The following ZMAT4 variants were observed in gnomAD, a reference collection of about 807,000 sequenced individuals.
The protein encoded by ZMAT4 is zinc finger matrin-type 4, also known as zinc finger matrin-type protein 4.
A neutral mutation model predicts 28.7 loss-of-function variants in ZMAT4; 17 were observed. The observed-to-expected ratio is 0.59, with a 90% CI of 0.41 to 0.89. The LOEUF (loss-of-function observed/expected upper bound fraction) is 0.89, where lower values mean the gene tolerates loss of function less well. Among genes scored for constraint, ZMAT4 ranks in the 40% least tolerant of loss-of-function variants. The pLI is 0.00. For missense variants in ZMAT4, 240 were observed against 283.8 expected, an observed-to-expected ratio of 0.85 and a Z score of 1.11; for synonymous variants, 117 against 109.2, an observed-to-expected ratio of 1.07 and a Z score of -0.44.
At chr8:40,613,072 A>G (rs532753094) in intron 5 of ZMAT4, among the ~76,000 whole-genome samples, 2 of 151,258 alleles carry the variant, frequency 1.3e-5, no homozygotes, top group Admixed American at 6.6e-5. Flanking sequence ...CAGCCTCCCA[A>G]AGTGCTGAGA....
At chr8:40,877,899 A>G (rs1818094828) in intron 1 of ZMAT4, among the ~76,000 whole-genome samples, 1 of 152,200 alleles carries the variant, frequency 6.6e-6, no homozygotes, top group Non-Finnish European at 1.5e-5. Context: ...GCGCATTCCA[A>G]AAGCAGGGAG....
intron 5 of ZMAT4, among the ~76,000 whole-genome samples, chr8:40,602,022 C>A (rs896854298): frequency 3.9e-5 from 6 of 152,118 alleles, no homozygotes; most frequent in Admixed American, 2.0e-4. Flanking sequence ...CCCCTTCTGC[C>A]CTTTCCCTTG....
intron 2 of ZMAT4, among the ~76,000 whole-genome samples, chr8:40,799,233 A>AGATAGATG (rs1461496725): frequency 5.0e-5 from 6 of 118,914 alleles, no homozygotes; most frequent in African/African-American, 1.7e-4. Context: ...ATGGATAGAT[A>AGATAGATG]GATGGATGGA....
intron 6 of ZMAT4, among the ~76,000 whole-genome samples, chr8:40,542,682 C>A (rs1803079037): frequency 6.6e-6 from 1 of 152,112 alleles, no homozygotes; most frequent in African/African-American, 2.4e-5. Flanking sequence ...AACCAGTGTG[C>A]CTGACCTCAT....
intron 6 of ZMAT4, among the ~76,000 whole-genome samples, chr8:40,564,907 T>G: frequency 6.6e-6 from 1 of 152,272 alleles, no homozygotes; most frequent in East Asian, 1.9e-4. Context: ...CCTGCACGGA[T>G]AGTAAAAAAT....
intron 5 of ZMAT4, among the ~76,000 whole-genome samples, chr8:40,652,362 G>A (rs1238833314): frequency 8.1e-6 from 1 of 123,212 alleles, no homozygotes; most frequent in Non-Finnish European, 1.7e-5. Flanking sequence ...TCAGAGAAAT[G>A]CAAATCAAAA....
chr8:40,839,051 T>C (rs1484273603), intron 1 of ZMAT4, among the ~76,000 whole-genome samples: 1 of 152,160 alleles, frequency 6.6e-6, no homozygotes, highest in Non-Finnish European at 1.5e-5. Flanking sequence ...TGGAGATCTC[T>C]AACTCCTGAA....
At chr8:40,695,013 C>T (rs1198548152) in intron 4 of ZMAT4, among the ~76,000 whole-genome samples, 1 of 152,178 alleles carries the variant, frequency 6.6e-6, no homozygotes, top group African/African-American at 2.4e-5. Flanking sequence ...TCTAGACAGA[C>T]AGGCTTTGCT....
chr8:40,810,527 G>T (rs1481336290), intron 2 of ZMAT4, among the ~76,000 whole-genome samples: 1 of 152,124 alleles, frequency 6.6e-6, no homozygotes, highest in African/African-American at 2.4e-5. Flanking sequence ...CCACATGGAA[G>T]AAAATCAAAA....
chr8:40,864,618 G>A (rs979375238), intron 1 of ZMAT4, among the ~76,000 whole-genome samples: 4 of 152,136 alleles, frequency 2.6e-5, no homozygotes, highest in African/African-American at 9.7e-5. Flanking sequence ...CATGACCCCA[G>A]GTCATAAAGG....
At chr8:40,759,073 G>A (rs1239904892) in intron 3 of ZMAT4, among the ~76,000 whole-genome samples, 2 of 152,136 alleles carry the variant, frequency 1.3e-5, no homozygotes, top group Admixed American at 6.5e-5. Flanking sequence ...CATGAGGTCA[G>A]GAGTTCGAGA....
intron 3 of ZMAT4, among the ~76,000 whole-genome samples, chr8:40,757,721 G>C (rs1474706876): frequency 6.6e-6 from 1 of 152,076 alleles, no homozygotes; most frequent in Non-Finnish European, 1.5e-5. Context: ...TACCTCTTGC[G>C]ATGGTTAATA....
At chr8:40,801,351 A>AAAAAAAT (rs370796453) in intron 2 of ZMAT4, among the ~76,000 whole-genome samples, 15 of 97,262 alleles carry the variant, frequency 1.5e-4, no homozygotes, top group African/African-American at 5.6e-4. Flanking sequence ...TAAAAAAAAA[A>AAAAAAAT]ATATATATAT....
intron 2 of ZMAT4, among the ~76,000 whole-genome samples, chr8:40,824,644 G>C (rs1196735423): frequency 7.6e-6 from 1 of 130,786 alleles, no homozygotes; most frequent in Non-Finnish European, 1.6e-5. Flanking sequence ...AAAGGAAGAA[G>C]GGAAGGAAGG....
chr8:40,628,954 T>A (rs1284569134), intron 5 of ZMAT4, among the ~76,000 whole-genome samples: 1 of 151,952 alleles, frequency 6.6e-6, no homozygotes, highest in Non-Finnish European at 1.5e-5. Context: ...AAACATCACA[T>A]GTAGATATAT....
chr8:40,890,582 G>A (rs771525025), intron 1 of ZMAT4, among the ~76,000 whole-genome samples: 4 of 151,610 alleles, frequency 2.6e-5, no homozygotes, highest in African/African-American at 7.3e-5. Context: ...TCCCCTTTGC[G>A]CCCCTCTCAA....
intron 1 of ZMAT4, chr8:40,885,068 C>T (rs1387821007): frequency 6.6e-6 from 1 of 152,064 alleles, no homozygotes; most frequent in Non-Finnish European, 1.5e-5. Context: ...TCACAGACAC[C>T]ATGAAACTCT....
At chr8:40,818,871 A>G (rs76426639) in intron 2 of ZMAT4, among the ~76,000 whole-genome samples, 2 of 152,358 alleles carry the variant, frequency 1.3e-5, no homozygotes, top group East Asian at 3.9e-4. Context: ...AAAGGTAACA[A>G]GAAGAAGGTA....
intron 5 of ZMAT4, among the ~76,000 whole-genome samples, chr8:40,617,886 C>T (rs73609520): frequency 1.3e-3 from 196 of 152,318 alleles, no homozygotes; most frequent in African/African-American, 4.6e-3. Context: ...CAATGTTTTG[C>T]TTTTTCAAAA....
Sources: allele counts gnomAD v4.1 joint callset (sites outside exome capture counted in the v4.1 genomes callset), GRCh38; gene constraint gnomAD v4.1.1; transcripts MANE v1.5; gene names NCBI Gene and HGNC (gene_info 2026-07-23, HGNC 2026-07-21).